HMGA2: variants seen among roughly 807,000 people sequenced by gnomAD.
HMGA2 encodes the protein high mobility group protein HMGI-C.
In HMGA2, 8 loss-of-function variants were observed where a neutral mutation model predicts 19.1. That is an observed-to-expected ratio of 0.42 (90% CI 0.25 to 0.76). The LOEUF (loss-of-function observed/expected upper bound fraction) is 0.76, where lower values mean the gene tolerates loss of function less well. HMGA2 is among the 30% of genes least tolerant of loss of function. HMGA2 has a pLI of 0.28. For missense variants in HMGA2, 109 were observed against 136.3 expected (o/e 0.80, Z 1.00); for synonymous variants, 60 against 48.8 (o/e 1.23, Z -0.96).
chr12:65,848,558 A>G (rs1463647613), intron 3 of HMGA2, among the ~76,000 whole-genome samples: 4 of 152,212 alleles, frequency 2.6e-5, no homozygotes, highest in Admixed American at 6.5e-5. Flanking sequence ...GCAATGTTAC[A>G]TAACTTAAAA....
intron 3 of HMGA2, among the ~76,000 whole-genome samples, chr12:65,864,229 T>C (rs1457909516): frequency 6.6e-6 from 1 of 152,102 alleles, no homozygotes; most frequent in Non-Finnish European, 1.5e-5. Context: ...CTCTGAGGGC[T>C]CCAGGATTCC....
chr12:65,927,959 A>G (rs1246954526), intron 3 of HMGA2, among the ~76,000 whole-genome samples: 1 of 148,572 alleles, frequency 6.7e-6, no homozygotes, highest in Non-Finnish European at 1.5e-5. Context: ...GTATATATAT[A>G]TATATATGTA....
At chr12:65,886,082 C>G (rs900275730) in intron 3 of HMGA2, among the ~76,000 whole-genome samples, 1 of 152,124 alleles carries the variant, frequency 6.6e-6, no homozygotes, top group African/African-American at 2.4e-5. Flanking sequence ...AACTTACTTT[C>G]ACTTACAAAA....
chr12:65,903,910 C>A (rs1163304113), intron 3 of HMGA2, among the ~76,000 whole-genome samples: 1 of 152,168 alleles, frequency 6.6e-6, no homozygotes, highest in Non-Finnish European at 1.5e-5. Flanking sequence ...AATTTACATT[C>A]ATGATAACGG....
At chr12:65,887,166 A>C (rs1873693810) in intron 3 of HMGA2, among the ~76,000 whole-genome samples, 1 of 152,214 alleles carries the variant, frequency 6.6e-6, no homozygotes. Context: ...GAGGCGTTTC[A>C]AAGACAAAAG....
chr12:65,847,250 T>A (rs1382134470), intron 3 of HMGA2, among the ~76,000 whole-genome samples: 1 of 152,122 alleles, frequency 6.6e-6, no homozygotes, highest in East Asian at 1.9e-4. Context: ...TAGTTAGTAT[T>A]GGGTTAAAAA....
At chr12:65,877,216 T>C (rs529360567) in intron 3 of HMGA2, 1 of 152,114 alleles carries the variant, frequency 6.6e-6, no homozygotes, top group African/African-American at 2.4e-5. Flanking sequence ...GGGGGTGGAA[T>C]GTTGACGTGG....
At chr12:65,893,660 G>C (rs1421342949) in intron 3 of HMGA2, among the ~76,000 whole-genome samples, 1 of 152,192 alleles carries the variant, frequency 6.6e-6, no homozygotes, top group African/African-American at 2.4e-5. Context: ...CTGCATTTCA[G>C]GGGGTGAATG....
chr12:65,873,708 A>T (rs944339829), intron 3 of HMGA2: 38 of 152,172 alleles, frequency 2.5e-4, no homozygotes, highest in African/African-American at 9.2e-4. Context: ...TTACTCTGTT[A>T]TATTTTATTA....
chr12:65,915,367 A>C, intron 3 of HMGA2: 1 of 1,330,422 alleles, frequency 7.5e-7, no homozygotes, highest in Non-Finnish European at 9.7e-7. Context: ...TGAAAAAAGT[A>C]CTCACTCTAG....
At chr12:65,843,400 C>T (rs1871089288) in intron 3 of HMGA2, 4 of 202,452 alleles carry the variant, frequency 2.0e-5, no homozygotes, top group Non-Finnish European at 3.0e-5. Context: ...ATTAGTCAAA[C>T]GTGAGGATTT....
At chr12:65,939,661 C>G (rs1456730195) in intron 3 of HMGA2, among the ~76,000 whole-genome samples, 1 of 152,192 alleles carries the variant, frequency 6.6e-6, no homozygotes, top group Non-Finnish European at 1.5e-5. Context: ...CGGCCACATA[C>G]AAGCTTTAAA....
chr12:65,871,087 C>T (rs911127097), intron 3 of HMGA2, among the ~76,000 whole-genome samples: 6 of 152,150 alleles, frequency 3.9e-5, no homozygotes, highest in Non-Finnish European at 8.8e-5. Context: ...AGTCTAATGA[C>T]CAATGCATCA....
intron 3 of HMGA2, among the ~76,000 whole-genome samples, chr12:65,843,820 G>A (rs1450229017): frequency 4.6e-5 from 7 of 152,058 alleles, no homozygotes; most frequent in East Asian, 3.9e-4. Context: ...AGGCCAAGGC[G>A]GGCAGATCAC....
At chr12:65,836,603 G>C (rs1038528047) in intron 2 of HMGA2, among the ~76,000 whole-genome samples, 1 of 152,164 alleles carries the variant, frequency 6.6e-6, no homozygotes, top group African/African-American at 2.4e-5. Context: ...CCAAGGTAGA[G>C]TCTGTGATCT....
chr12:65,870,471 C>A (rs1872655230), intron 3 of HMGA2, among the ~76,000 whole-genome samples: 1 of 152,174 alleles, frequency 6.6e-6, no homozygotes, highest in South Asian at 2.1e-4. Context: ...TGGCTCACAC[C>A]TGTAATCCCA....
chr12:65,835,966 G>C (rs1009061976), intron 2 of HMGA2, among the ~76,000 whole-genome samples: 10 of 152,180 alleles, frequency 6.6e-5, no homozygotes, highest in South Asian at 6.2e-4. Context: ...TTCTGTGCTA[G>C]AGAACTCCAC....
chr12:65,943,236 C>T (rs1454996026), intron 3 of HMGA2, among the ~76,000 whole-genome samples: 1 of 152,136 alleles, frequency 6.6e-6, no homozygotes, highest in Non-Finnish European at 1.5e-5. Flanking sequence ...AGCCAATGAA[C>T]CACTTCATCA....
chr12:65,869,462 G>A (rs1042420845), intron 3 of HMGA2, among the ~76,000 whole-genome samples: 2 of 152,178 alleles, frequency 1.3e-5, no homozygotes, highest in African/African-American at 4.8e-5. Flanking sequence ...GAAGTTAGCA[G>A]GGAAAAGTCA....
Sources: gnomAD v4.1 joint callset for allele counts (sites outside exome capture counted in the v4.1 genomes callset) on GRCh38, gnomAD v4.1.1 for gene constraint, MANE v1.5 for transcripts, NCBI Gene and HGNC (gene_info 2026-07-23, HGNC 2026-07-21) for gene names.